The following MUTYH variants were observed in gnomAD, a reference collection of about 807,000 sequenced individuals.
MUTYH encodes the protein adenine DNA glycosylase.
MUTYH carries 64 observed loss-of-function variants against 72.9 expected under a neutral mutation model. The ratio of observed to expected loss-of-function variants is 0.88; its 90% confidence interval spans 0.72 to 1.08. MUTYH has a LOEUF of 1.08. Among genes scored for constraint, MUTYH ranks in the 50% least tolerant of loss-of-function variants. The pLI, the probability that MUTYH is intolerant of heterozygous loss-of-function variation, is 0.00. For synonymous variants in MUTYH, 234 were observed against 263.1 expected (o/e 0.89, Z 1.07); for missense variants, 633 against 671.0 (o/e 0.94, Z 0.63).
chr1:45,339,205 A>ATTTTTT (rs60609540), intron 1 of MUTYH, among the ~76,000 whole-genome samples: 3 of 118,228 alleles, frequency 2.5e-5, no homozygotes, highest in Non-Finnish European at 5.1e-5. Flanking sequence ...TCCAATAGGA[A>ATTTTTT]TTTTTTTTTT....
chr1:45,333,572 C>T lies in MUTYH; in HGVS notation c.116-11G>A, dbSNP rs1381181119. 1.2e-6 allele frequency: 2 copies of T among 1,612,718 alleles called. No individual in the cohort carries two copies. The highest frequency in any genetic ancestry group is 1.7e-6 in the Non-Finnish European group (2 of 1,179,206). ...GCTGCCTGGCCAGGCCTGCTGGGGC[C>T]CCAGGACACTCAGCAATCATCCCTG... On this transcript the variant is annotated splice_polypyrimidine_tract_variant and intron_variant, in intron 2 of 15. Transcript: ENST00000456914.
chr1:45,340,422 C>G, upstream of MUTYH: 1 of 1,529,674 alleles, frequency 6.5e-7, no homozygotes, highest in Middle Eastern at 1.8e-4. Flanking sequence ...TCCGCCTGAA[C>G]TAGCCACGAG....
rs2149164202 is a variant in MUTYH, at chr1:45,333,091, A to G, written c.378+6T>C. 1 of 1,614,104 alleles carries G rather than the reference A, an allele frequency of 6.2e-7. No homozygotes were observed. Among genetic ancestry groups the G allele is most frequent in the Non-Finnish European group, 8.5e-7 (1 of 1,180,008 alleles). ...CATGACCCTTCCCTTCCTCCCCTGG[A>G]GTCACCTGCATCCATCCGGTATAGT... On this transcript the variant is annotated splice_donor_region_variant and intron_variant, in intron 5 of 15. Coordinates refer to ENST00000456914, the MANE Select transcript of MUTYH (RefSeq NM_001048174.2).
At chr1:45,337,333 T>C (rs1371721992) in intron 1 of MUTYH, among the ~76,000 whole-genome samples, 2 of 151,742 alleles carry the variant, frequency 1.3e-5, no homozygotes, top group Admixed American at 6.6e-5. Context: ...AATTTTTGTA[T>C]TTTTGTTAGA....
intron 1 of MUTYH, among the ~76,000 whole-genome samples, chr1:45,339,402 C>CG (rs1223714734): frequency 6.6e-6 from 1 of 151,552 alleles, no homozygotes; most frequent in South Asian, 2.1e-4. Flanking sequence ...TTAGTAGAGA[C>CG]GGGGTTTCAC....
chr1:45,334,138 C>T, intron 2 of MUTYH: 1 of 455,746 alleles, frequency 2.2e-6, no homozygotes, highest in South Asian at 2.0e-5. Flanking sequence ...TCCCGAGTAG[C>T]TGGGACTACA....
At position 45,339,924 on chromosome 1, in the gene MUTYH, C is replaced by T. The variant is rs1646716569; in HGVS notation, c.-32G>A. 1 of 1,450,350 alleles carries T rather than the reference C, an allele frequency of 6.9e-7. No homozygotes were observed. Among genetic ancestry groups the T allele is most frequent in the Non-Finnish European group, 9.2e-7 (1 of 1,082,404 alleles). 89.8% of individuals were successfully genotyped at this position (1,450,350 alleles called of 1,614,324 possible). ...CCGCGGCCCACGCTGATGAAGACAG[C>T]AGAACACGGAGGCCCCGCGTTCCCG... On this transcript the variant is annotated 5_prime_UTR_variant, in exon 1 of 16. Coordinates refer to ENST00000456914, the MANE Select transcript of MUTYH (RefSeq NM_001048174.2).
intron 2 of MUTYH, 22 bp downstream of exon 2, chr1:45,334,369 G>C (rs767704703): frequency 1.2e-6 from 2 of 1,613,614 alleles, no homozygotes; most frequent in South Asian, 2.2e-5. Flanking sequence ...AATGAGCCTT[G>C]GGCCACAACC....
chr1:45,338,197 T>C (rs1034380121), intron 1 of MUTYH: 16 of 525,642 alleles, frequency 3.0e-5, no homozygotes, highest in African/African-American at 2.4e-4. Flanking sequence ...TTATAGGCCA[T>C]TGGAGGGATT....
At chr1:45,338,730 G>T in intron 1 of MUTYH, 1 of 121,010 alleles carries the variant, frequency 8.3e-6, no homozygotes, top group Non-Finnish European at 1.7e-5. Flanking sequence ...AATCCAAAGA[G>T]TTTTTTTATT....
At chr1:45,338,454 A>G (rs1385087115) in intron 1 of MUTYH, 5 of 388,602 alleles carry the variant, frequency 1.3e-5, no homozygotes, top group South Asian at 5.2e-5. Context: ...GAAATGTCCA[A>G]ATCAGGTCCC....
In MUTYH at chr1:45,329,363, A is replaced by G. The variant is rs876659054; in HGVS notation, c.1509T>C (p.Asn503=). The G allele has an allele frequency of 1.9e-6, 3 of 1,614,190 alleles. No individual in the cohort carries two copies. The highest frequency in any genetic ancestry group is 2.5e-6 in the Non-Finnish European group (3 of 1,180,040). The change falls in exon 16 of 16, where the codon AAT becomes AAC. Residue 503 remains asparagine (N), a synonymous_variant. Coordinates refer to ENST00000456914, the MANE Select transcript of MUTYH (RefSeq NM_001048174.2). ...CAGTGGAGATGTGAGACCGAAAGAA[A>G]TTATCCAGGACTTGCTGGCCCATGC... ...KPRMGQQVLD[N]FFRSHISTDA...
chr1:45,331,463 C>A lies in MUTYH; in HGVS notation c.1196G>T (p.Trp399Leu), dbSNP rs876658787. The change falls in exon 13 of 16, where the codon TGG (tryptophan) becomes TTG (leucine). Residue 399 changes from tryptophan to leucine, a missense_variant. Coordinates refer to ENST00000456914, the MANE Select transcript of MUTYH (RefSeq NM_001048174.2). ...RKALLQELQR[W>L]AGPLPATHLR... ...GTGCGTGGCTGGGAGGGGCCCAGCC[C>A]AACGCTGTAGTTCCTGCAGCAGGGC... 2 of 1,614,218 alleles carry A rather than the reference C, an allele frequency of 1.2e-6. No homozygotes were observed. Among genetic ancestry groups the A allele is most frequent in the Non-Finnish European group, 8.5e-7 (1 of 1,180,034 alleles).
chr1:45,340,437 C>T, upstream of MUTYH: 1 of 1,513,802 alleles, frequency 6.6e-7, no homozygotes, highest in Non-Finnish European at 8.8e-7. Flanking sequence ...CACGAGGAGA[C>T]TACAAGTTCC....
rs1217742466 is a variant in MUTYH at position 45,333,426 on chromosome 1, G to A, written c.251C>T (p.Pro84Leu). The A allele has an allele frequency of 1.2e-6, 2 of 1,614,212 alleles. No homozygotes were observed. The highest frequency in any genetic ancestry group is 3.3e-5 in the Admixed American group (2 of 60,030). ...SWYDQEKRDL[P>L]WRRRAEDEMD... is the part of the protein sequence containing the mutation. ...TCGCCTGCCTACCCGTCTTCTCCAT[G>A]GTAGGTCCCGTTTCTCTTGGTCGTA... is the stretch of plus-strand genomic sequence containing the variant. The change falls in exon 3 of 16, where the codon CCA (proline) becomes CTA (leucine). Residue 84 changes from proline (P) to leucine (L), a missense_variant. Coordinates refer to ENST00000456914, the MANE Select transcript of MUTYH (RefSeq NM_001048174.2).
At position 45,332,979 on chromosome 1, in the gene MUTYH, GAA is replaced by G. The variant is rs752992888; in HGVS notation, c.379-22_379-21del. ...CCACTTCTATAGCCACAGGCAGGCA[GAA>G]AGAGACAAGGTCAAGGGTGAAGGTG... On this transcript the variant is annotated intron_variant, in intron 5 of 15. Coordinates refer to ENST00000456914, the MANE Select transcript of MUTYH (RefSeq NM_001048174.2). The G allele has an allele frequency of 5.0e-6, 8 of 1,614,084 alleles. No individual in the cohort carries two copies. The South Asian group carries it at 6.6e-5, about 13-fold the overall frequency.
upstream of MUTYH, chr1:45,339,989 T>TA: frequency 1.3e-6 from 2 of 1,534,968 alleles, no homozygotes; most frequent in Non-Finnish European, 1.8e-6. Flanking sequence ...CCGCGAGCTC[T>TA]AGCGCGCCCG....
chr1:45,335,341 C>A (rs1217125101), intron 1 of MUTYH, among the ~76,000 whole-genome samples: 3 of 152,072 alleles, frequency 2.0e-5, no homozygotes, highest in Admixed American at 6.5e-5. Context: ...AATCCACGAC[C>A]AGCATTCTTA....
At chr1:45,338,418 A>G (rs1646287530) in intron 1 of MUTYH, 2 of 404,900 alleles carry the variant, frequency 4.9e-6, no homozygotes, top group Non-Finnish European at 4.8e-6. Context: ...TTTACCTAAC[A>G]CCTTATCATT....
Sources: allele counts gnomAD v4.1 joint callset (sites outside exome capture counted in the v4.1 genomes callset), GRCh38; gene constraint gnomAD v4.1.1; transcripts MANE v1.5; gene names NCBI Gene and HGNC (gene_info 2026-07-23, HGNC 2026-07-21).